The following SLC44A5 variants were observed in gnomAD, a reference collection of about 807,000 sequenced individuals.
SLC44A5 encodes the protein solute carrier family 44 member 5.
Under a neutral mutation model 101.8 loss-of-function variants are expected in SLC44A5, and 57 were observed. The ratio of observed to expected loss-of-function variants is 0.56; its 90% CI spans 0.45 to 0.70. The LOEUF (loss-of-function observed/expected upper bound fraction) is 0.70, where lower values mean the gene tolerates loss of function less well. Among genes scored for constraint, SLC44A5 ranks in the 30% least tolerant of loss-of-function variants. The probability of loss-of-function intolerance (pLI) is 0.00; values close to 1 mark genes in which losing one functional copy is unlikely to be tolerated. For synonymous variants in SLC44A5, 281 were observed against 290.9 expected (o/e 0.97, Z 0.35); for missense variants, 737 against 853.1 (o/e 0.86, Z 1.70).
At chr1:75,628,986 C>T in the SLC44A5 span, among the ~76,000 whole-genome samples, 2,491 of 152,234 alleles carry the variant, frequency 0.016, 63 homozygotes, top group African/African-American at 0.057. Context: ...GGAAATCTCC[C>T]TTTTGGCATC....
chr1:75,705,724 C>T, the SLC44A5 span, among the ~76,000 whole-genome samples: 1 of 152,166 alleles, frequency 6.6e-6, no homozygotes. Flanking sequence ...GTTGCCCAGA[C>T]TGGAATGCAG....
chr1:75,679,855 A>G, the SLC44A5 span, among the ~76,000 whole-genome samples: 1 of 152,196 alleles, frequency 6.6e-6, no homozygotes, highest in Non-Finnish European at 1.5e-5. Context: ...AGTGTGCTGT[A>G]TTCAGGAAAC....
At chr1:75,253,057 G>A (rs939931737) in intron 6 of SLC44A5, among the ~76,000 whole-genome samples, 2 of 152,176 alleles carry the variant, frequency 1.3e-5, no homozygotes, top group African/African-American at 4.8e-5. Flanking sequence ...AGTTATGTCC[G>A]AGCCACAGTG....
At chr1:75,626,698 G>T in the SLC44A5 span, among the ~76,000 whole-genome samples, 10 of 151,770 alleles carry the variant, frequency 6.6e-5, no homozygotes, top group African/African-American at 2.4e-4. Flanking sequence ...TTCTAGCAAC[G>T]CCACTTTTAA....
chr1:75,217,869 T>G lies in SLC44A5; in HGVS notation c.1621A>C (p.Lys541Gln). The change falls in exon 18 of 24, where the codon AAA becomes CAA. Residue 541 changes from lysine to glutamine, a missense_variant. Lys to Gln is a moderately conservative substitution (Grantham distance 53). Around this residue, in one of 3 missense-constraint regions of SLC44A5, gnomAD observed 665 missense variants for 764.4 expected, o/e 0.87. Transcript: ENST00000370859. Reference protein sequence around the residue: ...IVLEYLDHRLKRTQNTLSKFL... With the variant: ...IVLEYLDHRLQRTQNTLSKFL... ...GTCAGGACATCTGAAATCTTACGTT[T>G]AAGACGGTGGTCCAAGTATTCTAGT... The G allele has an allele frequency of 6.3e-7, 1 of 1,577,694 alleles. No individual in the cohort carries two copies. The highest frequency in any genetic ancestry group is 1.3e-5 in the African/African-American group (1 of 74,254).
At chr1:75,581,034 G>C (rs1462652497) in intron 1 of SLC44A5, among the ~76,000 whole-genome samples, 1 of 152,004 alleles carries the variant, frequency 6.6e-6, no homozygotes, top group Non-Finnish European at 1.5e-5. Context: ...AAGTCAGAAA[G>C]TCAGAAATAT....
chr1:75,514,923 CATAA>C (rs914114676), intron 2 of SLC44A5, among the ~76,000 whole-genome samples: 1 of 152,128 alleles, frequency 6.6e-6, no homozygotes, highest in Non-Finnish European at 1.5e-5. Context: ...ATAAAATAGA[CATAA>C]ATAAAATCAG....
intron 3 of SLC44A5, among the ~76,000 whole-genome samples, chr1:75,369,000 G>A (rs191575212): frequency 4.3e-4 from 59 of 137,584 alleles, no homozygotes; most frequent in African/African-American, 1.5e-3. Context: ...AAAGTGATTC[G>A]TTCTCTCTTT....
intron 2 of SLC44A5, among the ~76,000 whole-genome samples, chr1:75,480,187 T>A (rs1267802936): frequency 6.6e-6 from 1 of 152,282 alleles, no homozygotes; most frequent in South Asian, 2.1e-4. Flanking sequence ...AAAAGGCCTT[T>A]GACAAAATTC....
chr1:75,422,452 C>A (rs1432875474), intron 2 of SLC44A5, among the ~76,000 whole-genome samples: 2 of 152,176 alleles, frequency 1.3e-5, no homozygotes, highest in Non-Finnish European at 1.5e-5. Flanking sequence ...TTATGATGAG[C>A]TAGTTTTGTT....
intron 1 of SLC44A5, among the ~76,000 whole-genome samples, chr1:75,563,435 C>T (rs1031515311): frequency 1.8e-4 from 28 of 151,932 alleles, no homozygotes; most frequent in African/African-American, 5.8e-4. Flanking sequence ...GTCTGCTCTA[C>T]ATACTCTGCA....
At chr1:75,722,799 G>A in the SLC44A5 span, among the ~76,000 whole-genome samples, 4 of 152,328 alleles carry the variant, frequency 2.6e-5, no homozygotes, top group East Asian at 7.7e-4. Context: ...GTCTCAAGCA[G>A]TAACAGTAGT....
chr1:75,642,450 C>A, the SLC44A5 span, among the ~76,000 whole-genome samples: 1 of 152,030 alleles, frequency 6.6e-6, no homozygotes, highest in Non-Finnish European at 1.5e-5. Flanking sequence ...CCCTTTCATT[C>A]TGGAGGCAGG....
At chr1:75,294,607 A>T (rs988748199) in intron 5 of SLC44A5, among the ~76,000 whole-genome samples, 4 of 152,128 alleles carry the variant, frequency 2.6e-5, no homozygotes, top group Non-Finnish European at 4.4e-5. Flanking sequence ...TGAATGGATT[A>T]AGAAATTATA....
chr1:75,335,806 G>A (rs1657397795), intron 4 of SLC44A5, among the ~76,000 whole-genome samples: 1 of 152,154 alleles, frequency 6.6e-6, no homozygotes, highest in African/African-American at 2.4e-5. Flanking sequence ...GTTTGGAAAA[G>A]TGCCTCCCAT....
At chr1:75,626,472 T>C in the SLC44A5 span, among the ~76,000 whole-genome samples, 1 of 152,188 alleles carries the variant, frequency 6.6e-6, no homozygotes, top group East Asian at 1.9e-4. Flanking sequence ...ATCTGACTCA[T>C]GACTCTTTCC....
chr1:75,616,256 C>T, the SLC44A5 span, among the ~76,000 whole-genome samples: 1 of 152,158 alleles, frequency 6.6e-6, no homozygotes, highest in East Asian at 1.9e-4. Flanking sequence ...CACGCCCCCA[C>T]CCCCGGTGTC....
intron 13 of SLC44A5, among the ~76,000 whole-genome samples, chr1:75,226,960 A>G (rs1007626175): frequency 6.6e-6 from 1 of 152,168 alleles, no homozygotes; most frequent in South Asian, 2.1e-4. Flanking sequence ...AAAAATGCAA[A>G]TTTATTTTCA....
chr1:75,354,417 C>T (rs1557694853), intron 3 of SLC44A5, among the ~76,000 whole-genome samples: 1 of 152,178 alleles, frequency 6.6e-6, no homozygotes. Context: ...TGCTGGCTCC[C>T]AGCTTCTAGC....
Sources: allele counts gnomAD v4.1 joint callset (sites outside exome capture counted in the v4.1 genomes callset), GRCh38; gene constraint gnomAD v4.1.1; regional missense constraint gnomAD v4.1.1; transcripts MANE v1.5; gene names NCBI Gene and HGNC (gene_info 2026-07-23, HGNC 2026-07-21).